Variants in SUGCT observed in about 807,000 individuals in gnomAD.
SUGCT encodes the protein succinyl-CoA:glutarate-CoA transferase.
In SUGCT, 41 loss-of-function variants were observed where a neutral mutation model predicts 55.0. That is an observed-to-expected ratio of 0.74 (90% confidence interval 0.58 to 0.97). The LOEUF is 0.97. Ranked by LOEUF, SUGCT falls within the 50% of genes least tolerant of loss-of-function variation. SUGCT has a pLI of 0.00. For synonymous variants in SUGCT, 187 were observed against 200.4 expected, an observed-to-expected ratio of 0.93 and a Z score of 0.56; for missense variants, 568 against 547.8, an observed-to-expected ratio of 1.04 and a Z score of -0.37.
chr7:40,990,389 A>C, the SUGCT span, among the ~76,000 whole-genome samples: 3 of 152,240 alleles, frequency 2.0e-5, no homozygotes, highest in Non-Finnish European at 4.4e-5. Context: ...AGCGGTCTTA[A>C]AATATTCAGT....
At chr7:40,814,089 G>A (rs1482122861) in intron 13 of SUGCT, among the ~76,000 whole-genome samples, 1 of 152,124 alleles carries the variant, frequency 6.6e-6, no homozygotes, top group African/African-American at 2.4e-5. Flanking sequence ...TCCACTGTTA[G>A]CCTGATGGGG....
intron 12 of SUGCT, among the ~76,000 whole-genome samples, chr7:40,563,689 G>T (rs1204889324): frequency 6.6e-6 from 1 of 151,636 alleles, no homozygotes; most frequent in Non-Finnish European, 1.5e-5. Flanking sequence ...ACTCCAGTCT[G>T]GGCAACAGAG....
In SUGCT at chr7:40,237,698, C is replaced by G. The variant is rs770914253; in HGVS notation, c.548C>G (p.Ser183Cys). The stretch of plus-strand genomic sequence containing the variant: ...TATGATGCTGTTGCCTCGGCTGTTT[C>G]TGGTCTGATGCACATCACAGGGCCT... ...AGYDAVASAV[S>C]GLMHITGPEN... The change falls in exon 7 of 14, where the codon TCT (serine) becomes TGT (cysteine). Residue 183 changes from serine to cysteine, a missense_variant. By Grantham distance (112) the Ser-to-Cys change is moderately radical (BLOSUM62 -1). Transcript: ENST00000335693. 12 of 1,613,910 alleles carry G rather than the reference C, an allele frequency of 7.4e-6. No homozygotes were observed. Among genetic ancestry groups the G allele is most frequent in the Non-Finnish European group, 1.0e-5 (12 of 1,179,840 alleles).
intron 13 of SUGCT, among the ~76,000 whole-genome samples, chr7:40,757,137 G>A (rs766317): frequency 0.54 from 82,343 of 151,972 alleles, 24,237 homozygotes; most frequent in Admixed American, 0.71. Context: ...ATAAGGTGGG[G>A]TAGTAGACAT....
intron 9 of SUGCT, among the ~76,000 whole-genome samples, chr7:40,346,965 C>G (rs1471598137): frequency 6.6e-6 from 1 of 152,192 alleles, no homozygotes; most frequent in Non-Finnish European, 1.5e-5. Flanking sequence ...CAAAAGCACC[C>G]AGTCTATGGT....
intron 8 of SUGCT, among the ~76,000 whole-genome samples, chr7:40,280,269 T>G (rs1792865526): frequency 6.6e-6 from 1 of 152,200 alleles, no homozygotes; most frequent in Non-Finnish European, 1.5e-5. Context: ...AAAATTCTTT[T>G]GATTTTTTTG....
At chr7:40,778,702 G>C (rs549272573) in intron 13 of SUGCT, among the ~76,000 whole-genome samples, 1 of 152,202 alleles carries the variant, frequency 6.6e-6, no homozygotes, top group Admixed American at 6.5e-5. Flanking sequence ...TCTGCTTGGC[G>C]TAAAACTTAC....
rs531488656 is a variant in SUGCT, at chr7:40,192,777, G to T, written c.364-2163G>T. Among the ~76,000 whole-genome samples the T allele has an allele frequency of 6.6e-5, 10 of 151,168 alleles. No homozygotes were observed. The South Asian group carries it at 2.1e-3, about 32-fold the overall frequency. On this transcript the variant is annotated intron_variant, in intron 5 of 13. Transcript: ENST00000335693. ...CTCCCGAGTAGCTGGGACTTCAGGTGCCCACCACCATGCCTGGCTAATTTT... is the reference window on the plus strand; with the variant it reads ...CTCCCGAGTAGCTGGGACTTCAGGTTCCCACCACCATGCCTGGCTAATTTT...
intron 11 of SUGCT, among the ~76,000 whole-genome samples, chr7:40,489,052 G>T (rs539155831): frequency 1.3e-5 from 2 of 151,796 alleles, no homozygotes; most frequent in Non-Finnish European, 2.9e-5. Context: ...TTTAAATGTG[G>T]TTGTACCCCT....
chr7:40,843,425 G>T (rs1302265571), intron 13 of SUGCT, among the ~76,000 whole-genome samples: 1 of 151,310 alleles, frequency 6.6e-6, no homozygotes. Context: ...CAGGAGAATT[G>T]CTTGAACCAG....
At chr7:40,300,532 T>G (rs1794468167) in intron 8 of SUGCT, among the ~76,000 whole-genome samples, 1 of 152,236 alleles carries the variant, frequency 6.6e-6, no homozygotes, top group Non-Finnish European at 1.5e-5. Context: ...CATATTACAG[T>G]CTTCTCACAT....
intron 12 of SUGCT, among the ~76,000 whole-genome samples, chr7:40,537,249 C>T (rs1308308943): frequency 1.3e-5 from 2 of 152,154 alleles, no homozygotes; most frequent in Non-Finnish European, 2.9e-5. Flanking sequence ...GCTATAGCTG[C>T]GTGGCAGAAC....
chr7:40,782,048 CTTCT>C (rs1372854941), intron 13 of SUGCT, among the ~76,000 whole-genome samples: 1 of 151,856 alleles, frequency 6.6e-6, no homozygotes, highest in African/African-American at 2.4e-5. Flanking sequence ...TAATTTTTAT[CTTCT>C]TTATCTTTCT....
intron 13 of SUGCT, among the ~76,000 whole-genome samples, chr7:40,757,793 C>T (rs1016233893): frequency 1.3e-5 from 2 of 152,054 alleles, no homozygotes; most frequent in African/African-American, 4.8e-5. Flanking sequence ...GATGGTATAC[C>T]GTTTTTGCTA....
chr7:40,848,426 T>C (rs574511900), intron 13 of SUGCT, among the ~76,000 whole-genome samples: 2 of 152,226 alleles, frequency 1.3e-5, no homozygotes, highest in South Asian at 2.1e-4. Flanking sequence ...TGGCTCGTGT[T>C]TTTCCTGGAT....
the SUGCT span, among the ~76,000 whole-genome samples, chr7:40,905,082 AT>A: frequency 6.6e-6 from 1 of 152,306 alleles, no homozygotes; most frequent in Middle Eastern, 3.4e-3. Context: ...TAGGATAACA[AT>A]TTTCGAGCAT....
At chr7:40,185,550 T>C (rs1785454601) in intron 3 of SUGCT, among the ~76,000 whole-genome samples, 1 of 152,160 alleles carries the variant, frequency 6.6e-6, no homozygotes, top group African/African-American at 2.4e-5. Flanking sequence ...AGACAGACTT[T>C]TCGCTCTTCT....
At chr7:40,683,514 C>T (rs935043505) in intron 12 of SUGCT, among the ~76,000 whole-genome samples, 5 of 152,142 alleles carry the variant, frequency 3.3e-5, no homozygotes, top group African/African-American at 9.7e-5. Flanking sequence ...AGTGGAAGAA[C>T]GTGGAAGAAA....
chr7:40,715,459 A>G (rs1158651040), intron 12 of SUGCT, among the ~76,000 whole-genome samples: 2 of 152,260 alleles, frequency 1.3e-5, no homozygotes, highest in East Asian at 3.9e-4. Context: ...CACCCAAAGC[A>G]TGCTCCATCC....
Sources: gnomAD v4.1 joint callset for allele counts (sites outside exome capture counted in the v4.1 genomes callset) on GRCh38, gnomAD v4.1.1 for gene constraint, MANE v1.5 for transcripts, NCBI Gene and HGNC (gene_info 2026-07-23, HGNC 2026-07-21) for gene names.